The following MAFF variants were observed in gnomAD, a reference collection of about 807,000 sequenced individuals.
MAFF encodes the protein MAF bZIP transcription factor F, also known as transcription factor MafF.
Under a neutral mutation model 2.7 loss-of-function variants are expected in MAFF, and 4 were observed. The observed-to-expected ratio is 1.48, with a 90% CI of 0.73 to 3.39. The LOEUF is 3.39. MAFF is among the 30% of genes most tolerant of loss of function. The probability of loss-of-function intolerance (pLI) is 0.01; values close to 1 mark genes in which losing one functional copy is unlikely to be tolerated. For missense variants in MAFF, 190 were observed against 246.6 expected (o/e 0.77, Z 1.54); for synonymous variants, 113 against 119.4 (o/e 0.95, Z 0.35).
chr22:38,203,873 T>A (rs2091033106), intron 1 of MAFF: 1 of 151,978 alleles, frequency 6.6e-6, no homozygotes, highest in Non-Finnish European at 1.5e-5. Flanking sequence ...ATTTTCCAGG[T>A]GAATTGTGGA....
chr22:38,205,717 T>C (rs1185674512), intron 1 of MAFF: 1 of 152,226 alleles, frequency 6.6e-6, no homozygotes, highest in African/African-American at 2.4e-5. Context: ...AGAGGACCCC[T>C]GGGTTCCAGT....
intron 1 of MAFF, chr22:38,203,478 TCTGA>T (rs1434994814): frequency 6.6e-6 from 1 of 152,172 alleles, no homozygotes; most frequent in Admixed American, 6.6e-5. Context: ...GGGATAGAAC[TCTGA>T]CTGCACGGAG....
At position 38,211,187 on chromosome 22, in the gene MAFF, C is replaced by T. The variant is rs60020136; in HGVS notation, c.-31-2636C>T. Among the ~76,000 whole-genome samples, 19 of 151,078 alleles carry T rather than the reference C, an allele frequency of 1.3e-4. No individual in the cohort carries two copies. In the East Asian group the frequency reaches 2.7e-3, roughly 22 times the overall value. ...TGAGGCAGGGGAAACAAAAGGAAGC[C>T]AAGTAGGGCTGAGGTTGGAGAAGGG... On this transcript the variant is annotated intron_variant, in intron 1 of 2. Coordinates refer to ENST00000338483, the MANE Select transcript of MAFF (RefSeq NM_012323.4).
intron 1 of MAFF, chr22:38,204,176 T>A (rs574523993): frequency 6.6e-6 from 1 of 152,302 alleles, no homozygotes; most frequent in Admixed American, 6.5e-5. Context: ...AGGGATGAGA[T>A]GAACAGACCA....
intron 1 of MAFF, chr22:38,203,465 T>C (rs1008265460): frequency 3.3e-5 from 5 of 152,096 alleles, no homozygotes; most frequent in East Asian, 1.9e-4. Flanking sequence ...TCAGTAGGCA[T>C]TGGGGATAGA....
At chr22:38,204,551 C>A (rs1316579580) in intron 1 of MAFF, among the ~76,000 whole-genome samples, 2 of 152,118 alleles carry the variant, frequency 1.3e-5, no homozygotes, top group Non-Finnish European at 2.9e-5. Flanking sequence ...AAGAGCTCCA[C>A]AACACATGGA....
chr22:38,206,007 C>T lies in MAFF; in HGVS notation c.-32+3795C>T, dbSNP rs138148793. 3.1e-3 allele frequency among the ~76,000 whole-genome samples: 467 copies of T among 152,228 alleles called. 4 individuals are homozygous for T. The highest frequency in any genetic ancestry group is 4.2e-3 in the Non-Finnish European group (287 of 67,950). ...GACATCCAGGATGCGGTTGAGGGGG[C>T]TGAGGCTCGGACAGGAGGGCATGGA... On this transcript the variant is annotated intron_variant, in intron 1 of 2. Transcript: ENST00000338483.
chr22:38,213,964 C>T, intron 2 of MAFF, 75 bp downstream of exon 2: 1 of 1,515,586 alleles, frequency 6.6e-7, no homozygotes, highest in Non-Finnish European at 9.1e-7. Flanking sequence ...TCCCAACTTC[C>T]CCTTCTTTCC....
intron 1 of MAFF, chr22:38,205,426 G>C (rs76864503): frequency 5.2e-5 from 7 of 134,178 alleles, no homozygotes; most frequent in African/African-American, 2.0e-4. Context: ...TTTTTTCCCT[G>C]TCCTCACAGA....
rs890164969 is a variant in MAFF, at chr22:38,214,351, G to A, written c.37-69G>A. On this transcript the variant is annotated intron_variant, in intron 2 of 2. Coordinates refer to ENST00000338483, the MANE Select transcript of MAFF (RefSeq NM_012323.4). The surrounding 1 kb of genome is among the most constrained non-coding windows in gnomAD (Gnocchi z 6.3). ...CCTCGGCGGCTAAGGCGGTGAAAGA[G>A]GAACACCGCGGGTGGAGCGGGGGGG... 2.5e-5 allele frequency: 36 copies of A among 1,417,100 alleles called. No individual in the cohort carries two copies. Among genetic ancestry groups the A allele is most frequent in the Non-Finnish European group, 3.1e-5 (33 of 1,063,716 alleles). The allele number at this position is 1,417,100 out of a possible 1,614,324, so 87.8% of individuals were successfully genotyped here.
chr22:38,207,247 G>A (rs1030119206), intron 1 of MAFF, among the ~76,000 whole-genome samples: 50 of 151,094 alleles, frequency 3.3e-4, no homozygotes, highest in African/African-American at 1.2e-3. Flanking sequence ...TCAGCCTCCT[G>A]AGTAGTTGGG....
chr22:38,208,560 G>A (rs943266527), intron 1 of MAFF, among the ~76,000 whole-genome samples: 1 of 152,198 alleles, frequency 6.6e-6, no homozygotes, highest in Non-Finnish European at 1.5e-5. Flanking sequence ...AACCCGGCTT[G>A]GTGACAAGCT....
intron 1 of MAFF, among the ~76,000 whole-genome samples, chr22:38,209,758 GA>G (rs1363026770): frequency 7.0e-6 from 1 of 142,892 alleles, no homozygotes; most frequent in African/African-American, 2.7e-5. Context: ...AGGTTGCAGT[GA>G]GCTGAGATCC....
At chr22:38,209,047 T>G (rs749061411) in intron 1 of MAFF, among the ~76,000 whole-genome samples, 7 of 151,764 alleles carry the variant, frequency 4.6e-5, no homozygotes, top group Non-Finnish European at 7.4e-5. Flanking sequence ...TGGAAGGTTT[T>G]TTTTTTGTTT....
intron 1 of MAFF, among the ~76,000 whole-genome samples, chr22:38,209,011 T>C (rs907122086): frequency 2.0e-5 from 3 of 151,686 alleles, no homozygotes; most frequent in African/African-American, 7.3e-5. Flanking sequence ...GGGTCTGGAC[T>C]CCATCCTTAG....
Position 38,214,343 on chromosome 22 carries a change from G to A in MAFF, c.37-77G>A. The A allele has an allele frequency of 7.3e-6, 10 of 1,378,916 alleles. No homozygotes were observed. Among genetic ancestry groups the A allele is most frequent in the Non-Finnish European group, 8.7e-6 (9 of 1,033,662 alleles). The allele number at this position is 1,378,916 out of a possible 1,614,324, so 85.4% of individuals were successfully genotyped here. On this transcript the variant is annotated intron_variant, in intron 2 of 2. Transcript: ENST00000338483. This position sits in a 1 kb window ranked among gnomAD's most constrained non-coding sequence, Gnocchi z 6.3. ...ACCCACCACCTCGGCGGCTAAGGCG[G>A]TGAAAGAGGAACACCGCGGGTGGAG...
At chr22:38,207,593 C>T (rs1186658600) in intron 1 of MAFF, among the ~76,000 whole-genome samples, 2 of 150,804 alleles carry the variant, frequency 1.3e-5, no homozygotes, top group East Asian at 2.0e-4. Context: ...GCGCCCACCA[C>T]CACACCCGGC....
intron 1 of MAFF, 166 bp from the exon 2 acceptor site, chr22:38,213,657 G>A: frequency 1.4e-6 from 1 of 692,852 alleles, no homozygotes; most frequent in Admixed American, 2.0e-5. Context: ...CGGCTGGAAG[G>A]AGCCATTCAA....
chr22:38,208,775 G>A (rs1443035065), intron 1 of MAFF, among the ~76,000 whole-genome samples: 7 of 152,196 alleles, frequency 4.6e-5, no homozygotes, highest in Non-Finnish European at 1.0e-4. Context: ...TCCTGGAGGA[G>A]GAGATGTCTG....
Sources: allele counts gnomAD v4.1 joint callset (sites outside exome capture counted in the v4.1 genomes callset), GRCh38; gene constraint gnomAD v4.1.1; non-coding constraint Gnocchi (gnomAD v3.1); transcripts MANE v1.5; gene names NCBI Gene and HGNC (gene_info 2026-07-23, HGNC 2026-07-21).